CACNB1: variants seen among roughly 807,000 people sequenced by gnomAD.
CACNB1 encodes voltage-dependent L-type calcium channel subunit beta-1.
CACNB1 carries 29 observed loss-of-function variants against 71.6 expected under a neutral mutation model. The ratio of observed to expected loss-of-function variants is 0.40; its 90% CI spans 0.30 to 0.55. The LOEUF (loss-of-function observed/expected upper bound fraction) is 0.55. CACNB1 is among the 20% of genes least tolerant of loss of function. CACNB1 has a pLI of 0.38. For missense variants in CACNB1, 623 were observed against 801.8 expected, an observed-to-expected ratio of 0.78 and a Z score of 2.69; for synonymous variants, 300 against 319.6, an observed-to-expected ratio of 0.94 and a Z score of 0.65.
intron 11 of CACNB1, chr17:39,178,361 G>T: frequency 3.7e-6 from 1 of 271,758 alleles, no homozygotes; most frequent in Non-Finnish European, 6.9e-6. Flanking sequence ...TTGTTTGTAG[G>T]CCCGCCCACT....
chr17:39,175,034 G>A lies in CACNB1; in HGVS notation c.*159C>T. ...GGGGCTTAAGGGCCTCCCGGGAGCT[G>A]GGATGGTAACACCAAAGAAACCCCA... On this transcript the variant is annotated 3_prime_UTR_variant, in exon 14 of 14. Transcript: ENST00000394303. This position sits in a 1 kb window ranked among gnomAD's most constrained non-coding sequence, Gnocchi z 4.7. 2 of 657,198 alleles carry A rather than the reference G, an allele frequency of 3.0e-6. No individual in the cohort carries two copies. The highest frequency in any genetic ancestry group is 5.2e-6 in the Non-Finnish European group (2 of 385,618). The allele number at this position is 657,198 out of a possible 1,614,324, so 40.7% of individuals were successfully genotyped here. A position where few individuals can be genotyped will look rare whatever the true frequency, so the allele number is the denominator to read the frequency against.
intron 11 of CACNB1, among the ~76,000 whole-genome samples, chr17:39,179,901 T>C (rs772258410): frequency 1.7e-4 from 26 of 149,166 alleles, no homozygotes; most frequent in Non-Finnish European, 3.6e-4. Context: ...AGAACAAGAC[T>C]CTGTCTAAAA....
Position 39,184,864 on chromosome 17 carries a change from TCTGGGGGGGGAAG to T in CACNB1, c.649-13_649-1del. The T allele has an allele frequency of 1.0e-6, 1 of 990,122 alleles. No individual in the cohort carries two copies. The highest frequency in any genetic ancestry group is 1.6e-6 in the Non-Finnish European group (1 of 632,952). The allele number at this position is 990,122 out of a possible 1,614,324, so 61.3% of individuals were successfully genotyped here. ...ACGTCATAGGGGGGCACATGCTCTGTCTGGGGGGGGAAGCAGGGAGGGGAAACCCCAGAGTGGA... is the reference window on the plus strand; with the variant it reads ...ACGTCATAGGGGGGCACATGCTCTGTCAGGGAGGGGAAACCCCAGAGTGGA... On this transcript the variant is annotated splice_acceptor_variant and splice_polypyrimidine_tract_variant and intron_variant, in intron 7 of 13. Transcript: ENST00000394303. LOFTEE classifies it high-confidence loss of function.
At chr17:39,178,370 C>T (rs1426210625) in intron 11 of CACNB1, 4 of 240,482 alleles carry the variant, frequency 1.7e-5, no homozygotes, top group Non-Finnish European at 3.2e-5. Context: ...GGCCCGCCCA[C>T]TCTCCTTTTT....
At chr17:39,179,184 T>A (rs953620629) in intron 11 of CACNB1, among the ~76,000 whole-genome samples, 1 of 147,656 alleles carries the variant, frequency 6.8e-6, no homozygotes, top group African/African-American at 2.5e-5. Context: ...TCTCAGCTAC[T>A]CAGGAGGCTG....
chr17:39,178,632 C>G (rs1381447326), intron 11 of CACNB1, among the ~76,000 whole-genome samples: 1 of 152,056 alleles, frequency 6.6e-6, no homozygotes, highest in Admixed American at 6.6e-5. Flanking sequence ...ATCCACTTGC[C>G]TCAGCCTCTC....
intron 11 of CACNB1, chr17:39,178,286 G>T: frequency 2.1e-6 from 1 of 468,234 alleles, no homozygotes; most frequent in Non-Finnish European, 3.9e-6. Flanking sequence ...CTCTCCTGGT[G>T]TTATGCCAGC....
chr17:39,180,986 A>G (rs78334889), intron 11 of CACNB1, among the ~76,000 whole-genome samples: 6,951 of 152,304 alleles, frequency 0.046, 419 homozygotes, highest in African/African-American at 0.14. Context: ...GATTTTTTTG[A>G]TACTATTCTT....
chr17:39,177,316 C>G (rs1555579070), intron 13 of CACNB1, 34 bp downstream of exon 13: 3 of 1,611,974 alleles, frequency 1.9e-6, no homozygotes, highest in African/African-American at 1.3e-5. Flanking sequence ...CCCCAGAAGC[C>G]GAGGTTTCTC....
intron 11 of CACNB1, among the ~76,000 whole-genome samples, chr17:39,181,116 CAG>C (rs1371613960): frequency 2.0e-5 from 3 of 151,948 alleles, no homozygotes; most frequent in Non-Finnish European, 2.9e-5. Context: ...ATTTTTGAGA[CAG>C]AGTCTTGCTC....
intron 3 of CACNB1, 88 bp from the exon 4 acceptor site, chr17:39,187,689 G>A (rs754470239): frequency 1.1e-4 from 157 of 1,434,138 alleles, no homozygotes; most frequent in Middle Eastern, 8.7e-4. Context: ...TGGTTACTTG[G>A]ATGTTTACTT....
intron 11 of CACNB1, among the ~76,000 whole-genome samples, chr17:39,179,578 C>CA (rs35250365): frequency 0.015 from 1,374 of 92,432 alleles, 6 homozygotes; most frequent in African/African-American, 0.033. Flanking sequence ...GACTCTGTCT[C>CA]AAAAAAAAAA....
Position 39,184,136 on chromosome 17 carries a change from A to G in CACNB1, c.793T>C (p.Ser265Pro). 6.2e-7 allele frequency: 1 copy of G among 1,604,740 alleles called. No homozygotes were observed. The highest frequency in any genetic ancestry group is 8.5e-7 in the Non-Finnish European group (1 of 1,171,702). ...FLKHRFDGRI[S>P]ITRVTADISL... ...ATATCTGCCGTCACACGAGTGATGG[A>G]GATCCTGGGGAATGGGGCAAGAGGG... is the stretch of plus-strand genomic sequence containing the variant. Residue 265 changes from serine to proline, a missense_variant, in exon 10 of 14, where the codon TCC (serine) becomes CCC (proline). Transcript: ENST00000394303.
In CACNB1 at chr17:39,197,645, C is replaced by T. The variant is rs948280529; in HGVS notation, c.-150G>A. 7.0e-6 allele frequency: 4 copies of T among 570,198 alleles called. No individual in the cohort carries two copies. The highest frequency in any genetic ancestry group is 1.2e-5 in the Non-Finnish European group (4 of 331,614). 35.3% of individuals were successfully genotyped at this position (570,198 alleles called of 1,614,324 possible). The stretch of plus-strand genomic sequence containing the variant: ...CTTCGGCTGCCTCCTTCCTGCCTTC[C>T]CTCGCTCCTCCCGCTCTCTCCACTG... On this transcript the variant is annotated 5_prime_UTR_variant, in exon 1 of 14. Coordinates refer to ENST00000394303, the MANE Select transcript of CACNB1 (RefSeq NM_000723.5).
At position 39,184,080 on chromosome 17, in the gene CACNB1, G is replaced by C. The variant is rs202030955; in HGVS notation, c.849C>G (p.Asn283Lys). 9.9e-6 allele frequency: 16 copies of C among 1,613,722 alleles called. No homozygotes were observed. The highest frequency in any genetic ancestry group is 8.5e-7 in the Non-Finnish European group (1 of 1,179,852). Residue 283 changes from asparagine (N) to lysine (K), a missense_variant, in exon 10 of 14, where the codon AAC (asparagine) becomes AAG (lysine). Transcript: ENST00000394303. ...GCTCAATGATGATGTGTTTGCTGGG[G>C]TTGTTGAGAACTGAGCGCTTAGCCA... is the stretch of plus-strand genomic sequence containing the variant. ...ISLAKRSVLNNPSKHIIIERS... is the reference protein window; with the variant it reads ...ISLAKRSVLNKPSKHIIIERS...
In CACNB1 at chr17:39,184,262, T is replaced by A. The variant is rs369245854; in HGVS notation, c.788+63A>T. 750 of 1,307,112 alleles carry A rather than the reference T, an allele frequency of 5.7e-4. 4 individuals are homozygous for A. The African/African-American group carries it at 0.01, about 17-fold the overall frequency. 81.0% of individuals were successfully genotyped at this position (1,307,112 alleles called of 1,614,324 possible). Reference sequence around the variant, plus strand: ...AGTCCCAGGATTGTGATTCGAGGCATCCTGCCCATCCCCAGCAGCAGAGAG... The same window carrying A: ...AGTCCCAGGATTGTGATTCGAGGCAACCTGCCCATCCCCAGCAGCAGAGAG... On this transcript the variant is annotated intron_variant, in intron 9 of 13. Coordinates refer to ENST00000394303, the MANE Select transcript of CACNB1 (RefSeq NM_000723.5).
At chr17:39,191,721 G>A in intron 2 of CACNB1, 128 bp from the exon 3 acceptor site, 1 of 871,000 alleles carries the variant, frequency 1.1e-6, no homozygotes, top group Non-Finnish European at 1.7e-6. Flanking sequence ...CACCACAAGG[G>A]CTAAGACAAG....
At chr17:39,183,011 C>G in intron 11 of CACNB1, 4 of 947,286 alleles carry the variant, frequency 4.2e-6, no homozygotes, top group Non-Finnish European at 5.0e-6. Context: ...CCACTGGCAT[C>G]TAGAAGGGAA....
intron 3 of CACNB1, 49 bp from the exon 4 acceptor site, chr17:39,187,650 T>C: frequency 6.2e-7 from 1 of 1,604,010 alleles, no homozygotes; most frequent in Non-Finnish European, 8.5e-7. Flanking sequence ...CAAACCACAA[T>C]GTAATGTACA....
Sources: gnomAD v4.1 joint callset for allele counts (sites outside exome capture counted in the v4.1 genomes callset) on GRCh38, gnomAD v4.1.1 for gene constraint, Gnocchi (gnomAD v3.1) non-coding constraint, MANE v1.5 for transcripts, NCBI Gene and HGNC (gene_info 2026-07-23, HGNC 2026-07-21) for gene names.